The following PIK3CD variants were observed in gnomAD, a reference collection of about 807,000 sequenced individuals.
PIK3CD encodes phosphatidylinositol-4,5-bisphosphate 3-kinase catalytic subunit delta.
A neutral mutation model predicts 122.9 loss-of-function variants in PIK3CD; 20 were observed. The observed-to-expected ratio is 0.16, with a 90% CI of 0.11 to 0.24. The LOEUF (loss-of-function observed/expected upper bound fraction) is 0.24, where lower values mean the gene tolerates loss of function less well. Among genes scored for constraint, PIK3CD ranks in the 10% least tolerant of loss-of-function variants. The pLI, the probability that PIK3CD is intolerant of heterozygous loss-of-function variation, is 1.00. For synonymous variants in PIK3CD, 596 were observed against 593.4 expected (o/e 1.00, Z -0.06); for missense variants, 787 against 1,406.3 (o/e 0.56, Z 7.04).
At chr1:9,725,353 A>C (rs775087302) in intron 23 of PIK3CD, among the ~76,000 whole-genome samples, 2 of 151,958 alleles carry the variant, frequency 1.3e-5, no homozygotes, top group Non-Finnish European at 2.9e-5. Context: ...CGGGAGTTCA[A>C]CACCAGCCTG....
At chr1:9,650,763 C>T (rs74925829), upstream of PIK3CD, among the ~76,000 whole-genome samples, 1,537 of 152,238 alleles carry the variant, frequency 0.01, 9 homozygotes, top group Non-Finnish European at 0.017. Context: ...TCTTCTTATG[C>T]GGATAAAATT....
intron 1 of PIK3CD, among the ~76,000 whole-genome samples, chr1:9,655,635 G>A (rs970792652): frequency 6.6e-6 from 1 of 151,190 alleles, no homozygotes; most frequent in African/African-American, 2.4e-5. Flanking sequence ...TTACCACCTC[G>A]GATAAGGGTC....
At chr1:9,679,090 T>TG (rs1366343929) in intron 1 of PIK3CD, among the ~76,000 whole-genome samples, 3 of 141,192 alleles carry the variant, frequency 2.1e-5, no homozygotes, top group African/African-American at 8.2e-5. Context: ...TTTTTTGAGA[T>TG]GGAGTCTTGC....
rs199637289 is a variant in PIK3CD at position 9,720,586 on chromosome 1, C to T, written c.1471-25C>T. The T allele has an allele frequency of 4.3e-4, 661 of 1,542,638 alleles. 4 individuals carry two copies. In the African/African-American group the frequency reaches 7.8e-3, roughly 18 times the overall value. On this transcript the variant is annotated intron_variant, in intron 11 of 23. Transcript: ENST00000377346. The surrounding 1 kb of genome is among the most constrained non-coding windows in gnomAD (Gnocchi z 9.0). ...CCGGGCTGGTCCAGGCCCCTGGGGA[C>T]GCTGAGTGCAGCCGTTTGTTGCAGA...
In PIK3CD at chr1:9,715,678, G is replaced by T; in HGVS notation, c.279G>T (p.Gln93His). Residue 93 changes from glutamine (Q) to histidine (H), a missense_variant, in exon 4 of 24, where the codon CAG becomes CAT. Around this residue, in one of 6 missense-constraint regions of PIK3CD, gnomAD observed 592 missense variants for 920.6 expected, o/e 0.64. Coordinates refer to ENST00000377346, the MANE Select transcript of PIK3CD (RefSeq NM_005026.5). The surrounding 1 kb of genome is among the most constrained non-coding windows in gnomAD (Gnocchi z 4.1). The part of the protein sequence containing the change: ...EDEQRRLCDV[Q>H]PFLPVLRLVA... ...AGCAACGGCGTCTGTGTGACGTGCAGCCCTTCCTGCCCGTCCTGCGCCTGG... is the reference window on the plus strand; with the variant it reads ...AGCAACGGCGTCTGTGTGACGTGCATCCCTTCCTGCCCGTCCTGCGCCTGG... 1 of 1,613,712 alleles carries T rather than the reference G, an allele frequency of 6.2e-7. No homozygotes were observed. The highest frequency in any genetic ancestry group is 2.2e-5 in the East Asian group (1 of 44,882).
rs192593837 is a variant in PIK3CD, at chr1:9,688,651, C to A, written c.-137-2816C>A. Among the ~76,000 whole-genome samples, 1,419 of 152,098 alleles carry A rather than the reference C, an allele frequency of 9.3e-3. 38 individuals carry two copies. Among genetic ancestry groups the A allele is most frequent in the Admixed American group, 0.05 (757 of 15,270 alleles). ...ACCAGCGTAGGCAACATAGTTAGACCCCCGCCTCTACAAAAAATTTTAAAA... is the reference window on the plus strand; with the variant it reads ...ACCAGCGTAGGCAACATAGTTAGACACCCGCCTCTACAAAAAATTTTAAAA... On this transcript the variant is annotated intron_variant, in intron 1 of 23. Transcript: ENST00000377346.
chr1:9,689,339 G>A lies in PIK3CD; in HGVS notation c.-137-2128G>A, dbSNP rs1646097273. Reference sequence around the variant, plus strand: ...CCTGGGCCTCCGGGCGAGAACAGCGGGGGTCGGGGAGGATTTGCAGCGTCC... The same window carrying A: ...CCTGGGCCTCCGGGCGAGAACAGCGAGGGTCGGGGAGGATTTGCAGCGTCC... On this transcript the variant is annotated intron_variant, in intron 1 of 23. Coordinates refer to ENST00000377346, the MANE Select transcript of PIK3CD (RefSeq NM_005026.5). The surrounding 1 kb of genome is among the most constrained non-coding windows in gnomAD (Gnocchi z 6.1). 3.3e-5 allele frequency among the ~76,000 whole-genome samples: 5 copies of A among 152,226 alleles called. No individual in the cohort carries two copies. The South Asian group carries it at 1.0e-3, about 32-fold the overall frequency.
Position 9,716,014 on chromosome 1 carries a change from G to A in PIK3CD, c.536G>A (p.Gly179Glu). The part of the protein sequence containing the change: ...LQLEPSAQTW[G>E]PGTLRLPNRA... ...CTGGAGCCCTCGGCTCAAACCTGGG[G>A]GCCTGGTACCCTGCGGCTCCCGAAC... Residue 179 changes from glycine to glutamate, a missense_variant, in exon 5 of 24, where the codon GGG becomes GAG. By Grantham distance (98) the Gly-to-Glu change is moderately conservative (BLOSUM62 -2). This residue lies in a region of PIK3CD where 592 missense variants were observed against 920.6 expected (regional missense o/e 0.64). Coordinates refer to ENST00000377346, the MANE Select transcript of PIK3CD (RefSeq NM_005026.5). 6.2e-7 allele frequency: 1 copy of A among 1,612,702 alleles called. No individual in the cohort carries two copies.
the PIK3CD span, among the ~76,000 whole-genome samples, chr1:9,627,260 G>A: frequency 6.6e-6 from 1 of 152,248 alleles, no homozygotes; most frequent in African/African-American, 2.4e-5. Flanking sequence ...ATGCCCGGGG[G>A]AGACGCCGGC....
chr1:9,724,711 T>C lies in PIK3CD; in HGVS notation c.2865-93T>C. The C allele has an allele frequency of 6.6e-7, 1 of 1,512,070 alleles. No homozygotes were observed. The highest frequency in any genetic ancestry group is 1.4e-5 in the African/African-American group (1 of 72,928). 93.7% of individuals were successfully genotyped at this position (1,512,070 alleles called of 1,614,324 possible). A position where few individuals can be genotyped will look rare whatever the true frequency, so the allele number is the denominator to read the frequency against. On this transcript the variant is annotated intron_variant, in intron 22 of 23. Transcript: ENST00000377346. This position sits in a 1 kb window ranked among gnomAD's most constrained non-coding sequence, Gnocchi z 7.3. ...CCCATTATCAGGGCAAGGGCAGGTG[T>C]CCTTGGGGAAGGGGCTGGTTGGATG...
chr1:9,717,484 G>A lies in PIK3CD; in HGVS notation c.931-53G>A, dbSNP rs535029258. 6.4e-7 allele frequency: 1 copy of A among 1,568,296 alleles called. No individual in the cohort carries two copies. The highest frequency in any genetic ancestry group is 1.1e-5 in the South Asian group (1 of 90,244). On this transcript the variant is annotated intron_variant, in intron 7 of 23. Transcript: ENST00000377346. The surrounding 1 kb of genome is among the most constrained non-coding windows in gnomAD (Gnocchi z 5.4). Reference sequence around the variant, plus strand: ...GTCACGGGCCTCACCATAGGCCAGGGAGACAAGCTGCACTTTGAGCCGTGT... The same window carrying A: ...GTCACGGGCCTCACCATAGGCCAGGAAGACAAGCTGCACTTTGAGCCGTGT...
upstream of PIK3CD, chr1:9,651,616 A>G (rs7516214): frequency 0.53 from 80,062 of 151,968 alleles, 22,715 homozygotes; most frequent in East Asian, 0.89. Context: ...GAGGCCCTGG[A>G]GGACCTGTTG....
chr1:9,657,140 T>A lies in PIK3CD; in HGVS notation c.-138+5338T>A, dbSNP rs376810222. Among the ~76,000 whole-genome samples, 143 of 152,172 alleles carry A rather than the reference T, an allele frequency of 9.4e-4. 1 individual carries two copies. In the East Asian group the frequency reaches 0.023, roughly 25 times the overall value. On this transcript the variant is annotated intron_variant, in intron 1 of 23. Coordinates refer to ENST00000377346, the MANE Select transcript of PIK3CD (RefSeq NM_005026.5). ...CTCTGCCTCCGTCTTCACAAGGGCA[T>A]CTCCTCCGTGTGTCTGGGTCTCCGT...
At chr1:9,714,050 T>C (rs893852154) in intron 3 of PIK3CD, among the ~76,000 whole-genome samples, 2 of 151,862 alleles carry the variant, frequency 1.3e-5, no homozygotes, top group Admixed American at 6.6e-5. Flanking sequence ...TGGAGTCTTA[T>C]TATGTTGCCC....
intron 1 of PIK3CD, chr1:9,654,415 G>T: frequency 7.3e-7 from 1 of 1,367,604 alleles, no homozygotes; most frequent in African/African-American, 1.5e-5. Context: ...CTAAGAACAG[G>T]GCAGGCAGAC....
At chr1:9,694,431 G>A (rs762074394) in intron 2 of PIK3CD, among the ~76,000 whole-genome samples, 3 of 152,230 alleles carry the variant, frequency 2.0e-5, no homozygotes, top group Non-Finnish European at 4.4e-5. Context: ...CTACTTAGGA[G>A]GCTGAGGTAG....
intron 2 of PIK3CD, among the ~76,000 whole-genome samples, chr1:9,693,844 G>T (rs1646298593): frequency 6.6e-6 from 1 of 152,096 alleles, no homozygotes; most frequent in South Asian, 2.1e-4. Flanking sequence ...AAAGGAATGG[G>T]GGCTCTGGGG....
chr1:9,696,056 C>T (rs1646404989), intron 2 of PIK3CD, among the ~76,000 whole-genome samples: 1 of 151,054 alleles, frequency 6.6e-6, no homozygotes, highest in South Asian at 2.1e-4. Flanking sequence ...ACTGCAGCCT[C>T]GACCTCCTAG....
rs533408651 is a variant in PIK3CD at position 9,719,252 on chromosome 1, G to T, written c.1242+337G>T. Among the ~76,000 whole-genome samples, 8 of 152,334 alleles carry T rather than the reference G, an allele frequency of 5.3e-5. No individual in the cohort carries two copies. The highest frequency in any genetic ancestry group is 1.9e-4 in the African/African-American group (8 of 41,578). On this transcript the variant is annotated intron_variant, in intron 9 of 23. Transcript: ENST00000377346. The surrounding 1 kb of genome is among the most constrained non-coding windows in gnomAD (Gnocchi z 5.5). ...CTGAGTCAGCGGCTGGCCGGGAGGC[G>T]TAGTGGCTGGGTGCTGAGTCACGGT...
Sources: allele counts gnomAD v4.1 joint callset (sites outside exome capture counted in the v4.1 genomes callset), GRCh38; gene constraint gnomAD v4.1.1; regional missense constraint gnomAD v4.1.1; non-coding constraint Gnocchi (gnomAD v3.1); transcripts MANE v1.5; gene names NCBI Gene and HGNC (gene_info 2026-07-23, HGNC 2026-07-21).